Variants in CNTN4 observed in about 807,000 individuals in gnomAD.
CNTN4 encodes contactin 4, also known as contactin-4.
Under a neutral mutation model 122.5 loss-of-function variants are expected in CNTN4, and 77 were observed. The observed-to-expected ratio is 0.63, with a 90% CI of 0.52 to 0.76. CNTN4 has a LOEUF of 0.76. Ranked by LOEUF, CNTN4 falls within the 30% of genes least tolerant of loss-of-function variation. The pLI, the probability that CNTN4 is intolerant of heterozygous loss-of-function variation, is 0.00. For synonymous variants in CNTN4, 512 were observed against 447.0 expected, an observed-to-expected ratio of 1.15 and a Z score of -1.83; for missense variants, 1,256 against 1,259.1, an observed-to-expected ratio of 1.00 and a Z score of 0.04.
At chr3:2,407,605 C>G (rs1390396073) in intron 3 of CNTN4, among the ~76,000 whole-genome samples, 1 of 152,108 alleles carries the variant, frequency 6.6e-6, no homozygotes, top group Non-Finnish European at 1.5e-5. Flanking sequence ...TCATGTGCTG[C>G]CTGACCACAT....
At chr3:3,038,232 A>G (rs1179301419) in intron 18 of CNTN4, among the ~76,000 whole-genome samples, 1 of 152,120 alleles carries the variant, frequency 6.6e-6, no homozygotes, top group Admixed American at 6.5e-5. Flanking sequence ...TTCCCCTTCC[A>G]AAACCATAAT....
chr3:2,388,462 G>A (rs957623740), intron 3 of CNTN4, among the ~76,000 whole-genome samples: 3 of 152,108 alleles, frequency 2.0e-5, no homozygotes, highest in African/African-American at 7.2e-5. Context: ...AATTACTCGA[G>A]GATAAGCTAA....
chr3:2,719,687 G>T (rs887537227), intron 4 of CNTN4, among the ~76,000 whole-genome samples: 1 of 152,142 alleles, frequency 6.6e-6, no homozygotes, highest in East Asian at 1.9e-4. Context: ...GCCTCCCAAA[G>T]TGCTAGGATT....
chr3:2,406,238 T>G (rs1289953445), intron 3 of CNTN4, among the ~76,000 whole-genome samples: 1 of 152,172 alleles, frequency 6.6e-6, no homozygotes, highest in African/African-American at 2.4e-5. Flanking sequence ...CTTAATCAAG[T>G]GATCATGTTT....
intron 7 of CNTN4, among the ~76,000 whole-genome samples, chr3:2,831,007 A>T (rs1160226480): frequency 6.6e-6 from 1 of 152,212 alleles, no homozygotes; most frequent in Non-Finnish European, 1.5e-5. Flanking sequence ...TGAACCTAGG[A>T]GTCTTAGGCA....
chr3:3,026,405 C>T (rs1559803820), intron 15 of CNTN4, 128 bp downstream of exon 15: 3 of 791,796 alleles, frequency 3.8e-6, no homozygotes, highest in Non-Finnish European at 6.4e-6. Flanking sequence ...TTAATTCCTG[C>T]TCCTTTTTGC....
intron 15 of CNTN4, among the ~76,000 whole-genome samples, chr3:3,028,851 T>C (rs971572463): frequency 5.3e-5 from 8 of 151,736 alleles, no homozygotes; most frequent in African/African-American, 1.7e-4. Context: ...GGTCTACTTA[T>C]ATGTGGATTT....
At chr3:2,804,097 ACG>A (rs2092410489) in intron 6 of CNTN4, among the ~76,000 whole-genome samples, 2 of 142,572 alleles carry the variant, frequency 1.4e-5, no homozygotes, top group Non-Finnish European at 3.1e-5. Context: ...ACACACACAC[ACG>A]TATGATAAAA....
intron 2 of CNTN4, among the ~76,000 whole-genome samples, chr3:2,212,269 C>G (rs887008514): frequency 6.6e-6 from 1 of 152,148 alleles, no homozygotes; most frequent in Non-Finnish European, 1.5e-5. Context: ...GACACCACAT[C>G]AGACCTCCTC....
chr3:2,767,943 C>A (rs1422363758), intron 6 of CNTN4, among the ~76,000 whole-genome samples: 2 of 152,094 alleles, frequency 1.3e-5, no homozygotes, highest in Non-Finnish European at 2.9e-5. Flanking sequence ...TAGCAGTGGG[C>A]GTGTAAGGTC....
chr3:2,125,330 C>CTCTCTG (rs138301374), intron 2 of CNTN4, among the ~76,000 whole-genome samples: 1 of 143,364 alleles, frequency 7.0e-6, no homozygotes, highest in African/African-American at 2.6e-5. Flanking sequence ...ATTCTATTCT[C>CTCTCTG]TGTGTGTGTG....
intron 2 of CNTN4, among the ~76,000 whole-genome samples, chr3:2,253,793 C>T (rs956258997): frequency 6.6e-6 from 1 of 152,112 alleles, no homozygotes. Context: ...TGGCATGAGC[C>T]ACCACACCTG....
chr3:2,619,940 G>T (rs996471678), intron 4 of CNTN4, among the ~76,000 whole-genome samples: 1 of 152,116 alleles, frequency 6.6e-6, no homozygotes, highest in African/African-American at 2.4e-5. Flanking sequence ...TAAGATAGGG[G>T]CTATGCTTTG....
chr3:2,857,035 GACAAAAA>G (rs1481303842), intron 7 of CNTN4, among the ~76,000 whole-genome samples: 14 of 152,118 alleles, frequency 9.2e-5, no homozygotes, highest in Non-Finnish European at 1.2e-4. Flanking sequence ...ATGACGGTGA[GACAAAAA>G]ACCTCTATGG....
chr3:2,644,634 TGA>T (rs1282610839), intron 4 of CNTN4, among the ~76,000 whole-genome samples: 1 of 151,108 alleles, frequency 6.6e-6, no homozygotes, highest in African/African-American at 2.4e-5. Flanking sequence ...ATTTCCTAAG[TGA>T]GTCCATGGAT....
chr3:2,276,364 GGGTTTCA>G (rs2041510723), intron 2 of CNTN4, among the ~76,000 whole-genome samples: 1 of 151,958 alleles, frequency 6.6e-6, no homozygotes, highest in Non-Finnish European at 1.5e-5. Flanking sequence ...AGCAGAGAGA[GGGTTTCA>G]CCACGTTGGC....
chr3:2,808,239 T>A (rs1431587685), intron 6 of CNTN4, among the ~76,000 whole-genome samples: 7 of 152,170 alleles, frequency 4.6e-5, no homozygotes, highest in Non-Finnish European at 4.4e-5. Flanking sequence ...TTTAGTAATA[T>A]GTTTCCAAGG....
chr3:2,465,293 G>C (rs1357059566), intron 3 of CNTN4, among the ~76,000 whole-genome samples: 1 of 152,120 alleles, frequency 6.6e-6, no homozygotes, highest in African/African-American at 2.4e-5. Context: ...GAAAAAATAA[G>C]TTTTTGCAGT....
intron 3 of CNTN4, among the ~76,000 whole-genome samples, chr3:2,452,396 G>A (rs11129149): frequency 0.64 from 97,287 of 151,956 alleles, 31,423 homozygotes; most frequent in East Asian, 0.8. Context: ...CTCTGCTGCA[G>A]TAGTTCTGTC....
Sources: allele counts gnomAD v4.1 joint callset (sites outside exome capture counted in the v4.1 genomes callset), GRCh38; gene constraint gnomAD v4.1.1; transcripts MANE v1.5; gene names NCBI Gene and HGNC (gene_info 2026-07-23, HGNC 2026-07-21).